The following FARS2 variants were observed in gnomAD, a reference collection of about 807,000 sequenced individuals.
The protein encoded by FARS2 is phenylalanyl-tRNA synthetase 2, mitochondrial, also known as phenylalanine--tRNA ligase, mitochondrial.
A neutral mutation model predicts 46.4 loss-of-function variants in FARS2; 40 were observed. That is an observed-to-expected ratio of 0.86 (90% CI 0.67 to 1.12). FARS2 has a LOEUF of 1.12. Among genes scored for constraint, FARS2 ranks in the 50% most tolerant of loss-of-function variants. The pLI is 0.00. For missense variants in FARS2, 513 were observed against 567.9 expected (o/e 0.90, Z 0.98); for synonymous variants, 234 against 214.9 (o/e 1.09, Z -0.78).
At chr6:5,583,900 T>G (rs1325600040) in intron 5 of FARS2, among the ~76,000 whole-genome samples, 3 of 152,168 alleles carry the variant, frequency 2.0e-5, no homozygotes. Flanking sequence ...TGTGCCTGAA[T>G]GTGATGCATT....
chr6:5,610,916 A>T (rs1433669302), intron 5 of FARS2, among the ~76,000 whole-genome samples: 1 of 152,242 alleles, frequency 6.6e-6, no homozygotes, highest in East Asian at 1.9e-4. Flanking sequence ...TGGTATGTCC[A>T]CTAGCTCACG....
intron 6 of FARS2, among the ~76,000 whole-genome samples, chr6:5,615,394 T>C (rs1467254437): frequency 2.6e-5 from 4 of 152,228 alleles, no homozygotes; most frequent in Non-Finnish European, 5.9e-5. Flanking sequence ...TTGTGTACCT[T>C]CCATCTGTAG....
At chr6:5,312,475 T>G (rs1333752382) in intron 1 of FARS2, among the ~76,000 whole-genome samples, 1 of 152,192 alleles carries the variant, frequency 6.6e-6, no homozygotes, top group African/African-American at 2.4e-5. Context: ...ACGTTAACAG[T>G]GGTCCTGAAG....
At chr6:5,689,916 G>C (rs902036715) in intron 6 of FARS2, among the ~76,000 whole-genome samples, 2 of 152,178 alleles carry the variant, frequency 1.3e-5, no homozygotes, top group Non-Finnish European at 2.9e-5. Flanking sequence ...AGGATAGTTA[G>C]CTCTTCTTGT....
At chr6:5,308,980 T>C (rs1398536722) in intron 1 of FARS2, among the ~76,000 whole-genome samples, 1 of 152,140 alleles carries the variant, frequency 6.6e-6, no homozygotes, top group Non-Finnish European at 1.5e-5. Flanking sequence ...CTAATTCTAT[T>C]CATAAGGGCT....
intron 5 of FARS2, among the ~76,000 whole-genome samples, chr6:5,557,245 T>A (rs1215397956): frequency 6.6e-6 from 1 of 152,112 alleles, no homozygotes; most frequent in Non-Finnish European, 1.5e-5. Flanking sequence ...CAGCTAAGAA[T>A]GGCTTAAATA....
intron 6 of FARS2, among the ~76,000 whole-genome samples, chr6:5,696,212 C>T (rs1262209907): frequency 2.6e-5 from 4 of 152,156 alleles, no homozygotes; most frequent in East Asian, 3.8e-4. Context: ...TATAGGTATT[C>T]AAAGATACGG....
chr6:5,292,736 C>A (rs2127517059), intron 1 of FARS2, among the ~76,000 whole-genome samples: 1 of 152,254 alleles, frequency 6.6e-6, no homozygotes, highest in Middle Eastern at 3.4e-3. Context: ...GTTGGAAATA[C>A]AAATATTTAA....
chr6:5,757,643 C>T (rs769234358), intron 6 of FARS2, among the ~76,000 whole-genome samples: 5 of 152,160 alleles, frequency 3.3e-5, no homozygotes, highest in Non-Finnish European at 7.3e-5. Flanking sequence ...GTTTTCTAGC[C>T]AGGATTAAGA....
intron 4 of FARS2, among the ~76,000 whole-genome samples, chr6:5,519,993 A>G (rs771201539): frequency 9.9e-5 from 15 of 152,232 alleles, no homozygotes; most frequent in African/African-American, 2.9e-4. Flanking sequence ...CTTCATGTCA[A>G]ATAGACTGGG....
intron 4 of FARS2, among the ~76,000 whole-genome samples, chr6:5,464,392 G>T (rs1352818183): frequency 6.6e-6 from 1 of 152,212 alleles, no homozygotes; most frequent in African/African-American, 2.4e-5. Flanking sequence ...AGAGCATTCT[G>T]GGTGGAGTCA....
intron 1 of FARS2, among the ~76,000 whole-genome samples, chr6:5,363,235 A>G (rs1279447765): frequency 1.3e-5 from 2 of 151,930 alleles, no homozygotes; most frequent in African/African-American, 2.4e-5. Context: ...CCCTTTGCCC[A>G]TTTTTAAGTT....
intron 6 of FARS2, among the ~76,000 whole-genome samples, chr6:5,627,952 A>G (rs1006975491): frequency 1.4e-5 from 2 of 142,206 alleles, no homozygotes; most frequent in African/African-American, 6.1e-5. Flanking sequence ...GTTGGGTCCT[A>G]AGTAAATTGA....
chr6:5,700,032 T>A (rs1758323031), intron 6 of FARS2, among the ~76,000 whole-genome samples: 1 of 152,186 alleles, frequency 6.6e-6, no homozygotes, highest in South Asian at 2.1e-4. Context: ...GAACGCTCTA[T>A]GCTTTTATAT....
chr6:5,431,942 T>C (rs574329168), intron 4 of FARS2: 46 of 175,948 alleles, frequency 2.6e-4, no homozygotes, highest in African/African-American at 1.1e-3. Context: ...CTGAATTTGA[T>C]TTTTTAAGTC....
At chr6:5,412,488 A>G (rs987541089) in intron 3 of FARS2, among the ~76,000 whole-genome samples, 19 of 152,194 alleles carry the variant, frequency 1.2e-4, no homozygotes, top group South Asian at 2.1e-4. Flanking sequence ...ATAGGGACCT[A>G]TACATGGTCC....
chr6:5,461,544 C>T (rs999582389), intron 4 of FARS2, among the ~76,000 whole-genome samples: 5 of 152,086 alleles, frequency 3.3e-5, no homozygotes, highest in African/African-American at 1.2e-4. Context: ...CTCTGCCAGC[C>T]CCAGGCAGCC....
At chr6:5,688,345 C>G (rs1410925893) in intron 6 of FARS2, among the ~76,000 whole-genome samples, 1 of 152,086 alleles carries the variant, frequency 6.6e-6, no homozygotes, top group Admixed American at 6.5e-5. Context: ...GTTCGTCATA[C>G]ATAACTCTTA....
chr6:5,260,602 CGGCCCCT>C (rs1037354394), upstream of FARS2: 19 of 1,203,490 alleles, frequency 1.6e-5, no homozygotes, highest in Admixed American at 4.2e-5. Flanking sequence ...CCCCGGTCCC[CGGCCCCT>C]GGCCCCCCGC....
Sources: gnomAD v4.1 joint callset for allele counts (sites outside exome capture counted in the v4.1 genomes callset) on GRCh38, gnomAD v4.1.1 for gene constraint, MANE v1.5 for transcripts, NCBI Gene and HGNC (gene_info 2026-07-23, HGNC 2026-07-21) for gene names.